Variants in PKNOX2 observed in about 807,000 individuals in gnomAD.
The protein encoded by PKNOX2 is homeobox protein PKNOX2.
In PKNOX2, 14 loss-of-function variants were observed where a neutral mutation model predicts 53.1. The ratio of observed to expected loss-of-function variants is 0.26; its 90% CI spans 0.17 to 0.41. The LOEUF is 0.41. PKNOX2 is among the 10% of genes least tolerant of loss of function. The pLI is 1.00. For missense variants in PKNOX2, 496 were observed against 602.8 expected, an observed-to-expected ratio of 0.82 and a Z score of 1.85; for synonymous variants, 257 against 242.8, an observed-to-expected ratio of 1.06 and a Z score of -0.54.
chr11:125,359,951 C>T (rs919604439), intron 4 of PKNOX2, among the ~76,000 whole-genome samples: 7 of 151,964 alleles, frequency 4.6e-5, no homozygotes, highest in Non-Finnish European at 7.4e-5. Context: ...CTCGAACTCC[C>T]GACCTCAGGT....
At position 125,165,984 on chromosome 11, in the gene PKNOX2, C is replaced by T. The variant is rs1178674061; in HGVS notation, c.-201+1208C>T. Reference sequence around the variant, plus strand: ...TCTTCACGGGGGAGCCGGGGGTTTCCGCGCGGTGGGGAGACTCGGGTTGGG... The same window carrying T: ...TCTTCACGGGGGAGCCGGGGGTTTCTGCGCGGTGGGGAGACTCGGGTTGGG... On this transcript the variant is annotated intron_variant, in intron 1 of 12. Coordinates refer to ENST00000298282, the MANE Select transcript of PKNOX2 (RefSeq NM_001382323.2). The surrounding 1 kb of genome is among the most constrained non-coding windows in gnomAD (Gnocchi z 4.5). Among the ~76,000 whole-genome samples, 3 of 152,150 alleles carry T rather than the reference C, an allele frequency of 2.0e-5. No individual in the cohort carries two copies. The highest frequency in any genetic ancestry group is 1.9e-4 in the East Asian group (1 of 5,158).
At chr11:125,178,097 A>G (rs756964100) in intron 1 of PKNOX2, among the ~76,000 whole-genome samples, 2 of 152,210 alleles carry the variant, frequency 1.3e-5, no homozygotes, top group Non-Finnish European at 2.9e-5. Context: ...ACTAGAAAGG[A>G]CACGTGAAAC....
chr11:125,335,932 G>T lies in PKNOX2; in HGVS notation c.-23+4007G>T, dbSNP rs148898655. On this transcript the variant is annotated intron_variant, in intron 3 of 12. Coordinates refer to ENST00000298282, the MANE Select transcript of PKNOX2 (RefSeq NM_001382323.2). ...ATGGAAGTGGGTGCGTGGTCAGAAA[G>T]CTCCTTGAAGGTAGGGACTACATGT... Among the ~76,000 whole-genome samples the T allele has an allele frequency of 4.7e-3, 721 of 152,290 alleles. 2 individuals are homozygous for T. Among genetic ancestry groups the T allele is most frequent in the Non-Finnish European group, 7.8e-3 (530 of 68,032 alleles).
At chr11:125,251,852 GTTA>G (rs1380472981) in intron 2 of PKNOX2, among the ~76,000 whole-genome samples, 10 of 150,820 alleles carry the variant, frequency 6.6e-5, no homozygotes, top group Non-Finnish European at 1.2e-4. Flanking sequence ...CCTCAGTGAT[GTTA>G]TTTTATATCA....
chr11:125,230,232 A>G (rs1004190569), intron 1 of PKNOX2, among the ~76,000 whole-genome samples: 1 of 152,246 alleles, frequency 6.6e-6, no homozygotes, highest in African/African-American at 2.4e-5. Context: ...TGGATGCATA[A>G]GAGTCTCAGA....
chr11:125,329,566 T>C (rs1273011807), intron 2 of PKNOX2, among the ~76,000 whole-genome samples: 4 of 152,188 alleles, frequency 2.6e-5, no homozygotes, highest in South Asian at 2.1e-4. Flanking sequence ...AAGATAACCA[T>C]AGCATGAGAC....
chr11:125,412,443 C>A (rs1407639953), intron 10 of PKNOX2, among the ~76,000 whole-genome samples: 4 of 152,324 alleles, frequency 2.6e-5, no homozygotes, highest in African/African-American at 9.6e-5. Context: ...TGGCACACTA[C>A]CTCGGGTTGC....
rs1306406843 is a variant in PKNOX2 at position 125,411,940 on chromosome 11, T to G, written c.936+75T>G. 12 of 1,594,068 alleles carry G rather than the reference T, an allele frequency of 7.5e-6. No individual in the cohort carries two copies. The East Asian group carries it at 2.7e-4, about 36-fold the overall frequency. ...AACCCACCGTGTGGGTACCAGACTC[T>G]GCTGTCGGCTCCAAACCCACAGACA... is the stretch of plus-strand genomic sequence containing the variant. On this transcript the variant is annotated intron_variant, in intron 10 of 12. Coordinates refer to ENST00000298282, the MANE Select transcript of PKNOX2 (RefSeq NM_001382323.2).
chr11:125,322,116 G>A (rs55762322), intron 2 of PKNOX2, among the ~76,000 whole-genome samples: 20,993 of 152,112 alleles, frequency 0.14, 2,361 homozygotes, highest in African/African-American at 0.31. Context: ...CCCCTGACCT[G>A]GCGTCCTTGA....
intron 2 of PKNOX2, among the ~76,000 whole-genome samples, chr11:125,247,884 A>G (rs1174424763): frequency 1.3e-5 from 2 of 152,056 alleles, no homozygotes; most frequent in African/African-American, 4.8e-5. Flanking sequence ...TGCTCTCCAC[A>G]TGGCCGAATT....
At chr11:125,411,239 A>G in intron 9 of PKNOX2, 1 of 308,728 alleles carries the variant, frequency 3.2e-6, no homozygotes, top group Non-Finnish European at 6.2e-6. Context: ...AAGTCACCTA[A>G]CCTCTCTGAG....
At chr11:125,188,619 C>A (rs911580157) in intron 1 of PKNOX2, among the ~76,000 whole-genome samples, 2 of 152,144 alleles carry the variant, frequency 1.3e-5, no homozygotes, top group Admixed American at 6.5e-5. Context: ...TCAAGGAGAG[C>A]TTCTGGCCCA....
intron 1 of PKNOX2, among the ~76,000 whole-genome samples, chr11:125,196,053 C>A (rs1023911290): frequency 2.6e-5 from 4 of 152,116 alleles, no homozygotes; most frequent in African/African-American, 9.7e-5. Flanking sequence ...AACCAGCATT[C>A]TGCATGGCTT....
At chr11:125,425,916 TGG>T (rs1956389147) in intron 10 of PKNOX2, among the ~76,000 whole-genome samples, 2 of 32,954 alleles carry the variant, frequency 6.1e-5, no homozygotes, top group Non-Finnish European at 9.1e-5. Context: ...CCTGAGATAC[TGG>T]ACGTCCAGGA....
intron 2 of PKNOX2, among the ~76,000 whole-genome samples, chr11:125,299,614 G>A (rs969118019): frequency 1.3e-5 from 2 of 152,174 alleles, no homozygotes; most frequent in Non-Finnish European, 2.9e-5. Flanking sequence ...TTGGTTAAAT[G>A]GGGTTAATTA....
chr11:125,430,087 A>G lies in PKNOX2; in HGVS notation c.1138A>G (p.Ile380Val), dbSNP rs775187937. 3 of 1,614,134 alleles carry G rather than the reference A, an allele frequency of 1.9e-6. No individual in the cohort carries two copies. The highest frequency in any genetic ancestry group is 3.3e-5 in the Admixed American group (2 of 60,022). Residue 380 changes from isoleucine to valine, a missense_variant, in exon 12 of 13, where the codon ATC becomes GTC. Ile to Val is a conservative substitution (Grantham distance 29). This residue lies in a region of PKNOX2 where 139 missense variants were observed against 161.3 expected (regional missense o/e 0.86). Transcript: ENST00000298282. ...RPTQRFWPNS[I>V]AAGVLQQQGG... ...CACCCAAAGATTCTGGCCCAACTCC[A>G]TCGCTGCGGGGGTGCTGCAGCAGCA... is the stretch of plus-strand genomic sequence containing the variant.
intron 1 of PKNOX2, among the ~76,000 whole-genome samples, chr11:125,183,060 T>C (rs146550709): frequency 2.0e-5 from 3 of 152,188 alleles, no homozygotes; most frequent in African/African-American, 7.2e-5. Context: ...AGGTGGTAAC[T>C]CATTCGAAGC....
chr11:125,431,333 G>A lies in PKNOX2; in HGVS notation c.1360G>A (p.Glu454Lys), dbSNP rs71474144. 31 of 1,613,620 alleles carry A rather than the reference G, an allele frequency of 1.9e-5. No individual in the cohort carries two copies. Among genetic ancestry groups the A allele is most frequent in the Non-Finnish European group, 2.3e-5 (27 of 1,179,968 alleles). ...EEEELEEEVD[E>K]LQTTNVSDLG... ...GGAGGAGCTGGAGGAGGAGGTCGAC[G>A]AGCTGCAGACGACAAATGTCAGCGA... Residue 454 changes from glutamate to lysine, a missense_variant, in exon 13 of 13, where the codon GAG (glutamate) becomes AAG (lysine). By Grantham distance (56) the Glu-to-Lys change is moderately conservative (BLOSUM62 1). This residue lies in a region of PKNOX2 where 139 missense variants were observed against 161.3 expected (regional missense o/e 0.86). Coordinates refer to ENST00000298282, the MANE Select transcript of PKNOX2 (RefSeq NM_001382323.2).
intron 5 of PKNOX2, among the ~76,000 whole-genome samples, chr11:125,372,415 T>A (rs114068671): frequency 0.019 from 2,920 of 152,324 alleles, 102 homozygotes; most frequent in African/African-American, 0.066. Context: ...TTCTTTAGAA[T>A]GGTGTTACTG....
Sources: gnomAD v4.1 joint callset for allele counts (sites outside exome capture counted in the v4.1 genomes callset) on GRCh38, gnomAD v4.1.1 for gene constraint, gnomAD v4.1.1 regional missense constraint, Gnocchi (gnomAD v3.1) non-coding constraint, MANE v1.5 for transcripts, NCBI Gene and HGNC (gene_info 2026-07-23, HGNC 2026-07-21) for gene names.